The following PTPRD variants were observed in gnomAD, a reference collection of about 807,000 sequenced individuals.
PTPRD encodes the protein protein tyrosine phosphatase receptor type D.
PTPRD carries 34 observed loss-of-function variants against 214.5 expected under a neutral mutation model. The observed-to-expected ratio is 0.16, with a 90% CI of 0.12 to 0.21. The LOEUF (loss-of-function observed/expected upper bound fraction) is 0.21, where lower values mean the gene tolerates loss of function less well. Ranked by LOEUF, PTPRD falls within the 10% of genes least tolerant of loss-of-function variation. The pLI is 1.00. For missense variants in PTPRD, 2,545 were observed against 2,398.7 expected (o/e 1.06, Z -1.27); for synonymous variants, 1,128 against 845.7 (o/e 1.33, Z -5.79).
At chr9:10,384,623 C>T (rs147085276) in intron 2 of PTPRD, among the ~76,000 whole-genome samples, 51 of 151,310 alleles carry the variant, frequency 3.4e-4, no homozygotes, top group Admixed American at 8.6e-4. Flanking sequence ...AAAATAAAAA[C>T]GGATTTTTTT....
intron 11 of PTPRD, among the ~76,000 whole-genome samples, chr9:8,906,392 C>A (rs1427674363): frequency 6.6e-6 from 1 of 152,096 alleles, no homozygotes; most frequent in Admixed American, 6.5e-5. Context: ...TGTCATTTTT[C>A]ATCAGTGTAA....
intron 5 of PTPRD, among the ~76,000 whole-genome samples, chr9:9,929,268 G>A (rs1463796231): frequency 6.6e-6 from 1 of 152,142 alleles, no homozygotes; most frequent in Non-Finnish European, 1.5e-5. Flanking sequence ...TCACAAACTT[G>A]CCCCTTTGGA....
chr9:9,022,025 C>G (rs939755815), intron 10 of PTPRD, among the ~76,000 whole-genome samples: 2 of 151,722 alleles, frequency 1.3e-5, no homozygotes, highest in East Asian at 3.9e-4. Context: ...CTAATGCATG[C>G]GGGGCTTAAA....
chr9:9,830,001 A>T (rs1410269249), intron 5 of PTPRD, among the ~76,000 whole-genome samples: 1 of 151,832 alleles, frequency 6.6e-6, no homozygotes, highest in Non-Finnish European at 1.5e-5. Context: ...AGTATAGCAG[A>T]AGGTTAATAG....
chr9:8,379,357 G>A (rs952287403), intron 37 of PTPRD, among the ~76,000 whole-genome samples: 58 of 151,886 alleles, frequency 3.8e-4, no homozygotes, highest in Non-Finnish European at 4.4e-5. Context: ...TTCCTTTCTC[G>A]ATCTCATTCT....
intron 9 of PTPRD, among the ~76,000 whole-genome samples, chr9:9,369,612 T>G (rs922201510): frequency 5.3e-5 from 8 of 152,150 alleles, no homozygotes; most frequent in Non-Finnish European, 8.8e-5. Context: ...CTCTTTAGTT[T>G]AATTAGATCC....
intron 5 of PTPRD, among the ~76,000 whole-genome samples, chr9:9,859,165 C>G (rs779783214): frequency 4.6e-5 from 7 of 152,204 alleles, no homozygotes; most frequent in Non-Finnish European, 1.0e-4. Context: ...AAGAAGGTAC[C>G]TGCTTCCCCT....
chr9:9,479,836 G>A (rs1466545835), intron 8 of PTPRD, among the ~76,000 whole-genome samples: 1 of 152,084 alleles, frequency 6.6e-6, no homozygotes, highest in African/African-American at 2.4e-5. Flanking sequence ...TAAACATCAA[G>A]TAAGTATAAT....
In PTPRD at chr9:9,455,657, G is replaced by A. The variant is rs16929433; in HGVS notation, c.-236-58175C>T. Among the ~76,000 whole-genome samples the A allele has an allele frequency of 9.6e-3, 1,461 of 151,730 alleles. 28 individuals carry two copies. Among genetic ancestry groups the A allele is most frequent in the African/African-American group, 0.034 (1,412 of 41,488 alleles). ...CAAGTAACTGAATCAGAAATTTGGAGCTTTCCCAAAGAAGCAAAGAAAATA... is the reference window on the plus strand; with the variant it reads ...CAAGTAACTGAATCAGAAATTTGGAACTTTCCCAAAGAAGCAAAGAAAATA... On this transcript the variant is annotated intron_variant, in intron 8 of 45. Transcript: ENST00000381196.
At chr9:9,898,961 G>A (rs1215636593) in intron 5 of PTPRD, among the ~76,000 whole-genome samples, 1 of 151,912 alleles carries the variant, frequency 6.6e-6, no homozygotes, top group African/African-American at 2.4e-5. Flanking sequence ...CTTTATTCAT[G>A]GATTCATGAT....
In PTPRD at chr9:10,209,847, G is replaced by C. The variant is rs139885444; in HGVS notation, c.-545+131116C>G. Among the ~76,000 whole-genome samples the C allele has an allele frequency of 2.0e-4, 31 of 152,092 alleles. No individual in the cohort carries two copies. In the East Asian group the frequency reaches 5.8e-3, roughly 29 times the overall value. ...GGAAATTTTAAAAAATGATCTACAAGTTTATTCCTTCCATATATGAGAACA... is the reference window on the plus strand; with the variant it reads ...GGAAATTTTAAAAAATGATCTACAACTTTATTCCTTCCATATATGAGAACA... On this transcript the variant is annotated intron_variant, in intron 3 of 45. Transcript: ENST00000381196.
rs187804733 is a variant in PTPRD at position 9,280,194 on chromosome 9, G to T, written c.-202-96831C>A. 5.3e-5 allele frequency among the ~76,000 whole-genome samples: 8 copies of T among 151,152 alleles called. 1 individual carries two copies. The Admixed American group carries it at 5.3e-4, about 10-fold the overall frequency. Reference sequence around the variant, plus strand: ...TGTCAATTATTTCTACATGAATAAGGCTGAGACTTAAGTGGAGAATCCATA... The same window carrying T: ...TGTCAATTATTTCTACATGAATAAGTCTGAGACTTAAGTGGAGAATCCATA... On this transcript the variant is annotated intron_variant, in intron 9 of 45. Coordinates refer to ENST00000381196, the MANE Select transcript of PTPRD (RefSeq NM_002839.4).
chr9:9,022,086 C>G (rs1367068442), intron 10 of PTPRD, among the ~76,000 whole-genome samples: 1 of 151,558 alleles, frequency 6.6e-6, no homozygotes, highest in African/African-American at 2.4e-5. Flanking sequence ...CACATGTATA[C>G]CTATGTAACA....
intron 12 of PTPRD, among the ~76,000 whole-genome samples, chr9:8,726,462 T>C (rs2154427331): frequency 6.8e-6 from 1 of 147,748 alleles, no homozygotes; most frequent in South Asian, 2.2e-4. Flanking sequence ...CCGGGTGTGG[T>C]GGCTAACGCC....
At chr9:10,415,272 G>A (rs959289255) in intron 2 of PTPRD, among the ~76,000 whole-genome samples, 1 of 151,554 alleles carries the variant, frequency 6.6e-6, no homozygotes, top group African/African-American at 2.4e-5. Context: ...CTTTATATAT[G>A]CACTTTATTC....
At chr9:9,620,631 A>G (rs932496014) in intron 7 of PTPRD, among the ~76,000 whole-genome samples, 9 of 152,082 alleles carry the variant, frequency 5.9e-5, no homozygotes, top group East Asian at 3.9e-4. Context: ...TTCAACATCA[A>G]TTTGAAGGTT....
chr9:10,427,387 T>A (rs932733085), intron 2 of PTPRD, among the ~76,000 whole-genome samples: 1 of 152,092 alleles, frequency 6.6e-6, no homozygotes, highest in Non-Finnish European at 1.5e-5. Flanking sequence ...AGAAACTTAA[T>A]TGCTAAGGCC....
intron 9 of PTPRD, among the ~76,000 whole-genome samples, chr9:9,290,979 C>T (rs1950970626): frequency 6.6e-6 from 1 of 151,292 alleles, no homozygotes; most frequent in African/African-American, 2.4e-5. Flanking sequence ...TCTTAGTTAC[C>T]TAAGACCACA....
At chr9:8,700,121 A>G (rs572645217) in intron 12 of PTPRD, among the ~76,000 whole-genome samples, 2 of 152,264 alleles carry the variant, frequency 1.3e-5, no homozygotes, top group South Asian at 4.1e-4. Context: ...AATAGTTTGT[A>G]TTTTCCAAAT....
Sources: gnomAD v4.1 joint callset for allele counts (sites outside exome capture counted in the v4.1 genomes callset) on GRCh38, gnomAD v4.1.1 for gene constraint, MANE v1.5 for transcripts, NCBI Gene and HGNC (gene_info 2026-07-23, HGNC 2026-07-21) for gene names.